PCDHGA4: variants seen among roughly 807,000 people sequenced by gnomAD.
PCDHGA4 encodes the protein protocadherin gamma subfamily A, 4, also known as protocadherin gamma-A4.
A neutral mutation model predicts 54.6 loss-of-function variants in PCDHGA4; 38 were observed. That is an observed-to-expected ratio of 0.70 (90% CI 0.54 to 0.91). PCDHGA4 has a LOEUF of 0.91. Among genes scored for constraint, PCDHGA4 ranks in the 40% least tolerant of loss-of-function variants. PCDHGA4 has a pLI of 0.00. For synonymous variants in PCDHGA4, 511 were observed against 512.9 expected (o/e 1.00, Z 0.05); for missense variants, 1,298 against 1,220.9 (o/e 1.06, Z -0.94).
chr5:141,451,521 T>A (rs1164313767), intron 1 of PCDHGA4, among the ~76,000 whole-genome samples: 2 of 152,148 alleles, frequency 1.3e-5, no homozygotes, highest in African/African-American at 4.8e-5. Flanking sequence ...TTAGAGCAAG[T>A]AAAGGAGAGT....
intron 1 of PCDHGA4, among the ~76,000 whole-genome samples, chr5:141,402,305 A>AT (rs2150927260): frequency 6.6e-6 from 1 of 152,140 alleles, no homozygotes; most frequent in South Asian, 2.1e-4. Flanking sequence ...GTATTAATAC[A>AT]ATTATATATT....
chr5:141,375,635 C>T (rs776372663), intron 1 of PCDHGA4: 4 of 1,614,096 alleles, frequency 2.5e-6, no homozygotes, highest in Non-Finnish European at 1.7e-6. Flanking sequence ...GTACGCCCTG[C>T]GCTCCTTCGA....
At position 141,491,422 on chromosome 5, in the gene PCDHGA4, G is replaced by T. The variant is rs1413549196; in HGVS notation, c.2515-3385G>T. 1 of 1,614,112 alleles carries T rather than the reference G, an allele frequency of 6.2e-7. No homozygotes were observed. The stretch of plus-strand genomic sequence containing the variant: ...AAACGCAGACGGGGACGGGGGTGGA[G>T]GGCAGTGCTGCAGGCGCCAGGACTC... On this transcript the variant is annotated intron_variant, in intron 1 of 3. Coordinates refer to ENST00000571252, the MANE Select transcript of PCDHGA4 (RefSeq NM_018917.4). The surrounding 1 kb of genome is among the most constrained non-coding windows in gnomAD (Gnocchi z 6.9).
chr5:141,393,272 A>G, intron 1 of PCDHGA4: 1 of 1,613,892 alleles, frequency 6.2e-7, no homozygotes, highest in Non-Finnish European at 8.5e-7. Context: ...CACGTTATCC[A>G]CTCCCAGAAG....
At chr5:141,413,708 C>G in intron 1 of PCDHGA4, 1 of 1,613,664 alleles carries the variant, frequency 6.2e-7, no homozygotes, top group African/African-American at 1.3e-5. Flanking sequence ...CAGCTCAGCC[C>G]CAATAAGCAC....
intron 1 of PCDHGA4, among the ~76,000 whole-genome samples, chr5:141,481,749 C>T (rs958851030): frequency 6.6e-6 from 1 of 151,976 alleles, no homozygotes; most frequent in Non-Finnish European, 1.5e-5. Context: ...GTCAGGAGTC[C>T]AAGACCAGCC....
Position 141,399,482 on chromosome 5 carries a change from C to T in PCDHGA4, c.2514+41861C>T, listed in dbSNP as rs559370708. 8.1e-6 allele frequency: 13 copies of T among 1,613,934 alleles called. No individual in the cohort carries two copies. In the South Asian group the frequency reaches 1.3e-4, roughly 16 times the overall value. ...AACGCTCCGGTTTTCCACCAGGCGT[C>T]CTACTTAGTCAGTGTACCCGAAAAC... On this transcript the variant is annotated intron_variant, in intron 1 of 3. Coordinates refer to ENST00000571252, the MANE Select transcript of PCDHGA4 (RefSeq NM_018917.4).
Position 141,490,481 on chromosome 5 carries a change from G to A in PCDHGA4, c.2515-4326G>A, listed in dbSNP as rs771164683. 8.7e-6 allele frequency: 14 copies of A among 1,614,060 alleles called. No homozygotes were observed. The highest frequency in any genetic ancestry group is 4.0e-5 in the African/African-American group (3 of 74,928). ...CTGCTAACCAGCCAGCCTTTGGACCGGGAGGCCACATCCCACTATATCATC... is the reference window on the plus strand; with the variant it reads ...CTGCTAACCAGCCAGCCTTTGGACCAGGAGGCCACATCCCACTATATCATC... On this transcript the variant is annotated intron_variant, in intron 1 of 3. Transcript: ENST00000571252. The surrounding 1 kb of genome is among the most constrained non-coding windows in gnomAD (Gnocchi z 5.4).
intron 1 of PCDHGA4, chr5:141,427,176 G>A (rs777424789): frequency 2.2e-6 from 1 of 456,742 alleles, no homozygotes; most frequent in Non-Finnish European, 4.4e-6. Context: ...TCAAAATGGG[G>A]AAATTAAATC....
chr5:141,366,143 T>C, intron 1 of PCDHGA4: 1 of 1,614,160 alleles, frequency 6.2e-7, no homozygotes. Flanking sequence ...CGCCTGGCTG[T>C]CCTACCGCCT....
At chr5:141,388,369 T>G in intron 1 of PCDHGA4, 1 of 1,614,006 alleles carries the variant, frequency 6.2e-7, no homozygotes, top group Non-Finnish European at 8.5e-7. Flanking sequence ...GATGCGGATA[T>G]TGGTAGCAAC....
intron 1 of PCDHGA4, chr5:141,422,550 G>A: frequency 6.2e-7 from 1 of 1,613,978 alleles, no homozygotes; most frequent in Non-Finnish European, 8.5e-7. Flanking sequence ...ATGTCTGGCT[G>A]AATGTGGCAG....
intron 1 of PCDHGA4, among the ~76,000 whole-genome samples, chr5:141,475,778 T>C (rs1204790631): frequency 2.0e-5 from 3 of 152,282 alleles, no homozygotes; most frequent in Non-Finnish European, 4.4e-5. Flanking sequence ...GCGCTTTGGC[T>C]GGAAACTCTG....
At chr5:141,384,783 G>A in intron 1 of PCDHGA4, 4 of 1,613,678 alleles carry the variant, frequency 2.5e-6, no homozygotes, top group South Asian at 1.1e-5. Flanking sequence ...AGGTGCGCAC[G>A]GCTCGGGCCC....
intron 1 of PCDHGA4, chr5:141,428,275 G>A (rs566455986): frequency 6.5e-6 from 5 of 767,218 alleles, no homozygotes; most frequent in African/African-American, 3.4e-5. Context: ...TGTGCCCTCT[G>A]ATTCCCAAGC....
intron 1 of PCDHGA4, chr5:141,400,146 C>A (rs1444566578): frequency 6.2e-7 from 1 of 1,614,080 alleles, no homozygotes; most frequent in South Asian, 1.1e-5. Flanking sequence ...ATATCACTGA[C>A]CGCCCTGTAC....
chr5:141,385,420 A>T, intron 1 of PCDHGA4: 1 of 1,465,218 alleles, frequency 6.8e-7, no homozygotes, highest in Non-Finnish European at 9.0e-7. Flanking sequence ...AGGGATTTAA[A>T]AAACTTTATA....
At position 141,444,986 on chromosome 5, in the gene PCDHGA4, T is replaced by C. The variant is rs990862582; in HGVS notation, c.2515-49821T>C. On this transcript the variant is annotated intron_variant, in intron 1 of 3. Transcript: ENST00000571252. ...TGACACTTCAAATCCATGAACATGG[T>C]ATATATTTCCATTTAATTAGGTCTT... Among the ~76,000 whole-genome samples, 4 of 152,206 alleles carry C rather than the reference T, an allele frequency of 2.6e-5. No individual in the cohort carries two copies. The East Asian group carries it at 7.7e-4, about 29-fold the overall frequency.
rs752392369 is a variant in PCDHGA4 at position 141,422,109 on chromosome 5, A to G, written c.2514+64488A>G. ...AAAGCAAGGCTTCTGAAATATTCCA[A>G]TTGGATTCACAAACTGGAGAAGTTC... On this transcript the variant is annotated intron_variant, in intron 1 of 3. Coordinates refer to ENST00000571252, the MANE Select transcript of PCDHGA4 (RefSeq NM_018917.4). 6 of 1,606,850 alleles carry G rather than the reference A, an allele frequency of 3.7e-6. No homozygotes were observed. The African/African-American group carries it at 4.0e-5, about 11-fold the overall frequency.
Sources: allele counts gnomAD v4.1 joint callset (sites outside exome capture counted in the v4.1 genomes callset), GRCh38; gene constraint gnomAD v4.1.1; non-coding constraint Gnocchi (gnomAD v3.1); transcripts MANE v1.5; gene names NCBI Gene and HGNC (gene_info 2026-07-23, HGNC 2026-07-21).